Variants in SYNPO2 observed in about 807,000 individuals in gnomAD.
SYNPO2 encodes the protein synaptopodin-2.
SYNPO2 carries 56 observed loss-of-function variants against 85.0 expected under a neutral mutation model. That is an observed-to-expected ratio of 0.66 (90% CI 0.53 to 0.82). The LOEUF is 0.82. Ranked by LOEUF, SYNPO2 falls within the 40% of genes least tolerant of loss-of-function variation. The probability of loss-of-function intolerance (pLI) is 0.00; values close to 1 mark genes in which losing one functional copy is unlikely to be tolerated. For synonymous variants in SYNPO2, 602 were observed against 591.1 expected (o/e 1.02, Z -0.27); for missense variants, 1,575 against 1,534.2 (o/e 1.03, Z -0.44).
chr4:118,987,308 G>A (rs1421866410), intron 1 of SYNPO2, among the ~76,000 whole-genome samples: 2 of 152,128 alleles, frequency 1.3e-5, no homozygotes, highest in Non-Finnish European at 2.9e-5. Context: ...TCATTCTTTA[G>A]AATTTCACTT....
At chr4:119,032,489 T>A in intron 4 of SYNPO2, 2 of 1,031,162 alleles carry the variant, frequency 1.9e-6, no homozygotes, top group Non-Finnish European at 2.3e-6. Context: ...TAGTGCCTTA[T>A]CTCTATTACT....
At chr4:118,925,271 G>A (rs923632048) in intron 1 of SYNPO2, among the ~76,000 whole-genome samples, 1 of 152,072 alleles carries the variant, frequency 6.6e-6, no homozygotes, top group African/African-American at 2.4e-5. Flanking sequence ...TTATTACCTG[G>A]ACTGACTGAC....
chr4:118,937,570 C>T (rs375545184), intron 1 of SYNPO2, among the ~76,000 whole-genome samples: 191 of 152,314 alleles, frequency 1.3e-3, no homozygotes, highest in African/African-American at 4.4e-3. Context: ...GCTTGGCCTA[C>T]TGCTGGATCT....
intron 1 of SYNPO2, among the ~76,000 whole-genome samples, chr4:118,956,262 A>C (rs1734871964): frequency 6.6e-6 from 1 of 152,186 alleles, no homozygotes; most frequent in Non-Finnish European, 1.5e-5. Flanking sequence ...GTAGAAAGAA[A>C]AGTCTACAAA....
intron 1 of SYNPO2, among the ~76,000 whole-genome samples, chr4:118,866,350 T>C (rs1731699768): frequency 6.6e-6 from 1 of 152,152 alleles, no homozygotes; most frequent in Non-Finnish European, 1.5e-5. Flanking sequence ...TCAGATGTGC[T>C]GTGGAGGAAA....
chr4:118,883,160 G>A (rs1385456629), intron 1 of SYNPO2, among the ~76,000 whole-genome samples: 2 of 151,590 alleles, frequency 1.3e-5, no homozygotes, highest in Non-Finnish European at 2.9e-5. Context: ...AAATCATGAC[G>A]CATCTTTCCT....
intron 1 of SYNPO2, among the ~76,000 whole-genome samples, chr4:118,923,409 G>T (rs964748394): frequency 2.0e-5 from 3 of 152,036 alleles, no homozygotes; most frequent in Non-Finnish European, 2.9e-5. Context: ...GGATTGGGGA[G>T]GAGAGAGAGA....
intron 4 of SYNPO2, among the ~76,000 whole-genome samples, chr4:119,040,591 T>C (rs1738677532): frequency 6.6e-6 from 1 of 152,206 alleles, no homozygotes; most frequent in African/African-American, 2.4e-5. Flanking sequence ...TGTTTTCAGT[T>C]CAAAGTACCA....
At chr4:119,045,250 A>G (rs1307778149) in intron 4 of SYNPO2, among the ~76,000 whole-genome samples, 7 of 152,204 alleles carry the variant, frequency 4.6e-5, no homozygotes, top group Admixed American at 2.6e-4. Flanking sequence ...TTACTCTCAT[A>G]ATAAATTAAG....
chr4:118,920,360 A>G (rs531502251), intron 1 of SYNPO2, among the ~76,000 whole-genome samples: 1 of 152,170 alleles, frequency 6.6e-6, no homozygotes, highest in Non-Finnish European at 1.5e-5. Context: ...GGAAAAGGGA[A>G]GGACTAGAAT....
intron 1 of SYNPO2, among the ~76,000 whole-genome samples, chr4:118,983,418 C>T (rs947010678): frequency 9.9e-5 from 15 of 152,102 alleles, no homozygotes; most frequent in Admixed American, 8.5e-4. Flanking sequence ...TTATTTTCTC[C>T]GGAAACTACC....
chr4:119,048,612 ATAT>A (rs2149199497), intron 4 of SYNPO2, among the ~76,000 whole-genome samples: 1 of 152,316 alleles, frequency 6.6e-6, no homozygotes, highest in African/African-American at 2.4e-5. Flanking sequence ...TGATCATGTA[ATAT>A]TTGAGTAAGT....
chr4:118,891,664 A>C (rs1384445359), intron 1 of SYNPO2, among the ~76,000 whole-genome samples: 2 of 152,220 alleles, frequency 1.3e-5, no homozygotes, highest in Admixed American at 1.3e-4. Context: ...TGTTCAAGGC[A>C]AAGTGAATGT....
In SYNPO2 at chr4:119,046,308, T is replaced by C. The variant is rs551023070; in HGVS notation, c.3253-11093T>C. Among the ~76,000 whole-genome samples, 3 of 151,582 alleles carry C rather than the reference T, an allele frequency of 2.0e-5. No individual in the cohort carries two copies. In the South Asian group the frequency reaches 6.4e-4, roughly 32 times the overall value. On this transcript the variant is annotated intron_variant, in intron 4 of 4. Transcript: ENST00000307142. ...CTGTGTATCATTACTTTTATTCTTTTATAACAGAAGGTTTAAAAAAAATCA... is the reference window on the plus strand; with the variant it reads ...CTGTGTATCATTACTTTTATTCTTTCATAACAGAAGGTTTAAAAAAAATCA...
At chr4:118,971,060 G>T (rs1735523548) in intron 1 of SYNPO2, among the ~76,000 whole-genome samples, 1 of 152,130 alleles carries the variant, frequency 6.6e-6, no homozygotes, top group South Asian at 2.1e-4. Context: ...GCACATTCTG[G>T]TGCTAGTGAA....
At chr4:119,025,076 G>A (rs922024218) in intron 2 of SYNPO2, among the ~76,000 whole-genome samples, 1 of 152,074 alleles carries the variant, frequency 6.6e-6, no homozygotes, top group African/African-American at 2.4e-5. Flanking sequence ...AGCTTTATTC[G>A]CTCATGCTTT....
intron 4 of SYNPO2, chr4:119,033,629 C>A (rs1738376074): frequency 2.0e-6 from 2 of 985,260 alleles, no homozygotes; most frequent in Non-Finnish European, 2.4e-6. Context: ...TACACAGTAC[C>A]ATTTTAATCT....
intron 4 of SYNPO2, chr4:119,034,148 G>T: frequency 1.0e-6 from 1 of 985,438 alleles, no homozygotes; most frequent in Non-Finnish European, 1.2e-6. Context: ...TCTGTTGAAT[G>T]CTTGCATTTT....
rs552037094 is a variant in SYNPO2, at chr4:119,012,175, A to G, written c.106-11255A>G. 3.0e-3 allele frequency among the ~76,000 whole-genome samples: 449 copies of G among 152,040 alleles called. 3 individuals are homozygous for G. The highest frequency in any genetic ancestry group is 0.01 in the African/African-American group (418 of 41,510). On this transcript the variant is annotated intron_variant, in intron 1 of 4. Transcript: ENST00000307142. ...TGACCTCAAGTGATCTGCCTGCCTC[A>G]GCCTCCCAAAGTTCTGGGATTATAG...
Sources: gnomAD v4.1 joint callset for allele counts (sites outside exome capture counted in the v4.1 genomes callset) on GRCh38, gnomAD v4.1.1 for gene constraint, MANE v1.5 for transcripts, NCBI Gene and HGNC (gene_info 2026-07-23, HGNC 2026-07-21) for gene names.